The following LEF1 variants were observed in gnomAD, a reference collection of about 807,000 sequenced individuals.
The protein encoded by LEF1 is lymphoid enhancer-binding factor 1.
In LEF1, 14 loss-of-function variants were observed where a neutral mutation model predicts 51.2. The ratio of observed to expected loss-of-function variants is 0.27; its 90% confidence interval spans 0.18 to 0.43. The LOEUF (loss-of-function observed/expected upper bound fraction) is 0.43, where lower values mean the gene tolerates loss of function less well. Among genes scored for constraint, LEF1 ranks in the 20% least tolerant of loss-of-function variants. LEF1 has a pLI of 1.00. For missense variants in LEF1, 386 were observed against 512.0 expected (o/e 0.75, Z 2.37); for synonymous variants, 185 against 183.2 (o/e 1.01, Z -0.08).
At chr4:108,143,743 C>T (rs186298675) in intron 3 of LEF1, among the ~76,000 whole-genome samples, 83 of 152,248 alleles carry the variant, frequency 5.5e-4, no homozygotes, top group African/African-American at 1.8e-3. Context: ...GAGAACACAG[C>T]ACCACTTGCT....
chr4:108,165,214 T>A (rs1436344800), intron 1 of LEF1, 51 bp from the exon 2 acceptor site: 1 of 1,547,628 alleles, frequency 6.5e-7, no homozygotes, highest in African/African-American at 1.4e-5. Context: ...CCTTAGAGTT[T>A]GTGACAATAA....
intron 3 of LEF1, among the ~76,000 whole-genome samples, chr4:108,128,963 A>G (rs974170004): frequency 6.6e-6 from 1 of 152,238 alleles, no homozygotes; most frequent in Non-Finnish European, 1.5e-5. Flanking sequence ...AAGAATATTT[A>G]CCAAATTACA....
chr4:108,107,904 A>G (rs962637292), intron 3 of LEF1, among the ~76,000 whole-genome samples: 2 of 152,196 alleles, frequency 1.3e-5, no homozygotes, highest in South Asian at 4.1e-4. Context: ...GAAGATGCTT[A>G]TACTGATCTT....
At chr4:108,077,171 T>C (rs557785905) in intron 8 of LEF1, among the ~76,000 whole-genome samples, 1 of 151,764 alleles carries the variant, frequency 6.6e-6, no homozygotes, top group South Asian at 2.1e-4. Context: ...ATACCACATC[T>C]CTACAAAATT....
intron 11 of LEF1, among the ~76,000 whole-genome samples, chr4:108,061,799 A>ACT (rs1466742088): frequency 6.6e-6 from 1 of 152,216 alleles, no homozygotes; most frequent in African/African-American, 2.4e-5. Context: ...TTCTCGATTA[A>ACT]TAGCCACTGA....
intron 9 of LEF1, among the ~76,000 whole-genome samples, chr4:108,065,258 GAGC>G (rs1228328336): frequency 2.6e-5 from 4 of 152,186 alleles, no homozygotes. Flanking sequence ...AAGCCGAGGT[GAGC>G]AGATCACGAG....
At chr4:108,166,958 G>T (rs748327922) in intron 1 of LEF1, among the ~76,000 whole-genome samples, 6 of 151,902 alleles carry the variant, frequency 3.9e-5, no homozygotes, top group Non-Finnish European at 7.4e-5. Flanking sequence ...CACCGCCCCC[G>T]CAGCCCGGGT....
At chr4:108,161,525 T>C (rs917802216) in intron 3 of LEF1, among the ~76,000 whole-genome samples, 1 of 152,192 alleles carries the variant, frequency 6.6e-6, no homozygotes, top group African/African-American at 2.4e-5. Context: ...TTTTAATACA[T>C]ACACTAACAA....
intron 3 of LEF1, among the ~76,000 whole-genome samples, chr4:108,154,234 G>T (rs955505525): frequency 1.3e-5 from 2 of 151,800 alleles, no homozygotes; most frequent in Non-Finnish European, 2.9e-5. Context: ...TATTCTTAAA[G>T]GTAAATATGG....
chr4:108,077,041 A>AT (rs1477017835), intron 8 of LEF1, among the ~76,000 whole-genome samples: 1 of 151,328 alleles, frequency 6.6e-6, no homozygotes, highest in Admixed American at 6.6e-5. Context: ...AAAAAAAAAA[A>AT]AAAGAATGAT....
intron 11 of LEF1, 92 bp downstream of exon 11, chr4:108,063,531 G>T: frequency 2.1e-6 from 2 of 964,194 alleles, no homozygotes; most frequent in South Asian, 1.4e-5. Context: ...GAGCAATGTC[G>T]AATGAACTCA....
chr4:108,107,862 A>G (rs1265860406), intron 3 of LEF1, among the ~76,000 whole-genome samples: 1 of 152,128 alleles, frequency 6.6e-6, no homozygotes, highest in Non-Finnish European at 1.5e-5. Context: ...AACCTACTAC[A>G]GGCACATAAC....
chr4:108,101,293 G>A (rs1055229130), intron 3 of LEF1, among the ~76,000 whole-genome samples: 3 of 152,140 alleles, frequency 2.0e-5, no homozygotes, highest in Non-Finnish European at 2.9e-5. Context: ...TGCAGCTTTC[G>A]ACATGAGGCA....
intron 3 of LEF1, among the ~76,000 whole-genome samples, chr4:108,145,907 C>T (rs760675463): frequency 1.8e-4 from 28 of 152,094 alleles, no homozygotes; most frequent in Admixed American, 6.6e-5. Context: ...ATGAAAATGT[C>T]CTAAAACTGA....
chr4:108,161,453 T>C (rs1488934174), intron 3 of LEF1, among the ~76,000 whole-genome samples: 1 of 152,224 alleles, frequency 6.6e-6, no homozygotes, highest in African/African-American at 2.4e-5. Flanking sequence ...CAGACCAACA[T>C]TTATTCTGGC....
chr4:108,162,906 T>C (rs1745153083), intron 3 of LEF1, among the ~76,000 whole-genome samples: 1 of 152,206 alleles, frequency 6.6e-6, no homozygotes, highest in East Asian at 1.9e-4. Context: ...CCTGAAATTC[T>C]TTATAATGTT....
At chr4:108,104,085 A>C (rs1031548009) in intron 3 of LEF1, among the ~76,000 whole-genome samples, 2 of 152,232 alleles carry the variant, frequency 1.3e-5, no homozygotes, top group Non-Finnish European at 2.9e-5. Flanking sequence ...AAAAAGAAGA[A>C]AGTACTGACA....
At chr4:108,149,967 A>G (rs1317286548) in intron 3 of LEF1, among the ~76,000 whole-genome samples, 1 of 152,016 alleles carries the variant, frequency 6.6e-6, no homozygotes, top group Admixed American at 6.6e-5. Flanking sequence ...AAAAAAAAAA[A>G]AAGATATTTC....
chr4:108,048,568 G>T lies in LEF1; in HGVS notation c.*190C>A. On this transcript the variant is annotated 3_prime_UTR_variant, in exon 12 of 12. Transcript: ENST00000265165. ...AGTAGACGAAAGAGGGGTTGGCAGT[G>T]ATTGTCTTTATGGATCAGCGTCTCT... 1.7e-6 allele frequency: 1 copy of T among 600,648 alleles called. No individual in the cohort carries two copies. Among genetic ancestry groups the T allele is most frequent in the South Asian group, 4.8e-5 (1 of 20,738 alleles). The allele number at this position is 600,648 out of a possible 1,614,324, so 37.2% of individuals were successfully genotyped here. A position where few individuals can be genotyped will look rare whatever the true frequency, so the allele number is the denominator to read the frequency against.
Sources: allele counts gnomAD v4.1 joint callset (sites outside exome capture counted in the v4.1 genomes callset), GRCh38; gene constraint gnomAD v4.1.1; transcripts MANE v1.5; gene names NCBI Gene and HGNC (gene_info 2026-07-23, HGNC 2026-07-21).